The following HIBADH variants were observed in gnomAD, a reference collection of about 807,000 sequenced individuals.
The protein encoded by HIBADH is 3-hydroxyisobutyrate dehydrogenase, also known as 3-hydroxyisobutyrate dehydrogenase, mitochondrial.
A neutral mutation model predicts 36.1 loss-of-function variants in HIBADH; 25 were observed. The observed-to-expected ratio is 0.69, with a 90% CI of 0.50 to 0.97. The LOEUF is 0.97. Ranked by LOEUF, HIBADH falls within the 50% of genes least tolerant of loss-of-function variation. The probability of loss-of-function intolerance (pLI) is 0.00; values close to 1 mark genes in which losing one functional copy is unlikely to be tolerated. For synonymous variants in HIBADH, 160 were observed against 149.5 expected (o/e 1.07, Z -0.51); for missense variants, 421 against 418.0 (o/e 1.01, Z -0.06).
In HIBADH at chr7:27,662,581, T is replaced by C. The variant is rs1583628425; in HGVS notation, c.91+117A>G. 114 of 568,966 alleles carry C rather than the reference T, an allele frequency of 2.0e-4. No individual in the cohort carries two copies. The East Asian group carries it at 3.9e-3, about 20-fold the overall frequency. 35.2% of individuals were successfully genotyped at this position (568,966 alleles called of 1,614,324 possible). ...GCCTTTAGTACCAGCCAAAATATTGTTTTTTAAGCCCCAGCCCAACCGCAG... is the reference window on the plus strand; with the variant it reads ...GCCTTTAGTACCAGCCAAAATATTGCTTTTTAAGCCCCAGCCCAACCGCAG... On this transcript the variant is annotated intron_variant, in intron 1 of 7. Coordinates refer to ENST00000265395, the MANE Select transcript of HIBADH (RefSeq NM_152740.4).
intron 4 of HIBADH, among the ~76,000 whole-genome samples, chr7:27,628,801 C>A (rs950201217): frequency 6.6e-6 from 1 of 152,036 alleles, no homozygotes; most frequent in African/African-American, 2.4e-5. Context: ...CTAAAATAAA[C>A]CTATATTTAT....
intron 4 of HIBADH, among the ~76,000 whole-genome samples, chr7:27,586,177 T>G (rs1524533): frequency 0.76 from 115,528 of 152,176 alleles, 44,311 homozygotes; most frequent in East Asian, 0.94. Context: ...ATGCCCTTGT[T>G]GCAAATATGC....
chr7:27,534,917 C>G (rs1163222294), intron 6 of HIBADH, among the ~76,000 whole-genome samples: 1 of 151,334 alleles, frequency 6.6e-6, no homozygotes, highest in Non-Finnish European at 1.5e-5. Context: ...GATGTAATCA[C>G]TTTTGTCATT....
intron 4 of HIBADH, among the ~76,000 whole-genome samples, chr7:27,602,622 T>C (rs904522244): frequency 6.6e-6 from 1 of 152,166 alleles, no homozygotes; most frequent in Non-Finnish European, 1.5e-5. Flanking sequence ...TGATATACTA[T>C]GCCAAAAGTA....
At chr7:27,571,463 G>A (rs1453290080) in intron 4 of HIBADH, among the ~76,000 whole-genome samples, 2 of 152,178 alleles carry the variant, frequency 1.3e-5, no homozygotes, top group Non-Finnish European at 2.9e-5. Context: ...GACCTCAGGT[G>A]ATCCACTTGC....
chr7:27,630,625 G>C (rs1470567119), intron 3 of HIBADH, among the ~76,000 whole-genome samples: 1 of 151,996 alleles, frequency 6.6e-6, no homozygotes. Flanking sequence ...ACATAACCAG[G>C]CATGGTGGCT....
chr7:27,653,846 T>A (rs1296679446), intron 1 of HIBADH, among the ~76,000 whole-genome samples: 2 of 152,042 alleles, frequency 1.3e-5, no homozygotes, highest in Admixed American at 6.6e-5. Context: ...TTTGTAAAAG[T>A]TAATAAAATC....
At chr7:27,567,864 G>C (rs1247083383) in intron 4 of HIBADH, among the ~76,000 whole-genome samples, 1 of 152,008 alleles carries the variant, frequency 6.6e-6, no homozygotes, top group Non-Finnish European at 1.5e-5. Context: ...TTTGCCTTAC[G>C]ATTTTTTTTG....
intron 4 of HIBADH, among the ~76,000 whole-genome samples, chr7:27,603,713 T>A (rs180755569): frequency 1.4e-3 from 213 of 152,258 alleles, no homozygotes; most frequent in African/African-American, 4.9e-3. Context: ...AAATCCTAAC[T>A]CTCAAATTTC....
rs1327517725 is a variant in HIBADH, at chr7:27,631,288, G to A, written c.362+1048C>T. On this transcript the variant is annotated intron_variant, in intron 3 of 7. Coordinates refer to ENST00000265395, the MANE Select transcript of HIBADH (RefSeq NM_152740.4). ...TGGCCCTGAGAGCTCCATCCAAAAT[G>A]AGTGTCTTTTAACCTTCCCTGAAAT... 2.0e-5 allele frequency among the ~76,000 whole-genome samples: 3 copies of A among 152,230 alleles called. No homozygotes were observed. The East Asian group carries it at 5.8e-4, about 29-fold the overall frequency.
intron 4 of HIBADH, among the ~76,000 whole-genome samples, chr7:27,609,352 A>G (rs1785285591): frequency 6.6e-6 from 1 of 152,192 alleles, no homozygotes; most frequent in Admixed American, 6.5e-5. Flanking sequence ...AAGAATGTAA[A>G]AAGAGATTTT....
chr7:27,626,376 T>C (rs1164455502), intron 4 of HIBADH, among the ~76,000 whole-genome samples: 2 of 152,210 alleles, frequency 1.3e-5, no homozygotes, highest in Non-Finnish European at 2.9e-5. Context: ...GTTCTTCACA[T>C]TGGTTTCAGG....
At chr7:27,662,428 A>T (rs1194963016) in intron 1 of HIBADH, among the ~76,000 whole-genome samples, 1 of 152,042 alleles carries the variant, frequency 6.6e-6, no homozygotes, top group African/African-American at 2.4e-5. Context: ...TCTTCAGCCC[A>T]AGCTCTTCCC....
chr7:27,554,939 G>A (rs1784369639), intron 4 of HIBADH, among the ~76,000 whole-genome samples: 1 of 152,088 alleles, frequency 6.6e-6, no homozygotes, highest in African/African-American at 2.4e-5. Flanking sequence ...TGCCATTCTT[G>A]GTAGCCCCTC....
chr7:27,647,070 C>A (rs1786086371), intron 2 of HIBADH, among the ~76,000 whole-genome samples: 1 of 152,210 alleles, frequency 6.6e-6, no homozygotes, highest in East Asian at 1.9e-4. Flanking sequence ...TTAACAACAA[C>A]AATAAAATAG....
At chr7:27,643,089 T>C (rs1002034317) in intron 2 of HIBADH, among the ~76,000 whole-genome samples, 1 of 152,230 alleles carries the variant, frequency 6.6e-6, no homozygotes, top group African/African-American at 2.4e-5. Flanking sequence ...TGTAATTTGA[T>C]AATCTAACAC....
At chr7:27,557,881 A>G (rs1406607293) in intron 4 of HIBADH, among the ~76,000 whole-genome samples, 1 of 152,198 alleles carries the variant, frequency 6.6e-6, no homozygotes. Flanking sequence ...TTACTTGAAG[A>G]CTACATAAGA....
chr7:27,659,255 A>G (rs575092322), intron 1 of HIBADH, among the ~76,000 whole-genome samples: 4 of 152,360 alleles, frequency 2.6e-5, no homozygotes, highest in African/African-American at 9.6e-5. Flanking sequence ...CATTTTGTAG[A>G]GGGCCTATAG....
chr7:27,578,051 T>C (rs1420762622), intron 4 of HIBADH, among the ~76,000 whole-genome samples: 1 of 152,226 alleles, frequency 6.6e-6, no homozygotes, highest in Non-Finnish European at 1.5e-5. Flanking sequence ...GCATCCATTG[T>C]TCATTAGAAT....
Sources: gnomAD v4.1 joint callset for allele counts (sites outside exome capture counted in the v4.1 genomes callset) on GRCh38, gnomAD v4.1.1 for gene constraint, MANE v1.5 for transcripts, NCBI Gene and HGNC (gene_info 2026-07-23, HGNC 2026-07-21) for gene names.